OPCML: variants seen among roughly 807,000 people sequenced by gnomAD.
OPCML encodes the protein opioid binding protein/cell adhesion molecule like.
OPCML carries 13 observed loss-of-function variants against 37.8 expected under a neutral mutation model. The ratio of observed to expected loss-of-function variants is 0.34; its 90% CI spans 0.22 to 0.55. The LOEUF (loss-of-function observed/expected upper bound fraction) is 0.55, where lower values mean the gene tolerates loss of function less well. OPCML is among the 20% of genes least tolerant of loss of function. The pLI is 0.91. For synonymous variants in OPCML, 176 were observed against 168.8 expected, an observed-to-expected ratio of 1.04 and a Z score of -0.33; for missense variants, 341 against 435.6, an observed-to-expected ratio of 0.78 and a Z score of 1.93.
At chr11:133,264,447 C>T (rs78662327) in intron 1 of OPCML, among the ~76,000 whole-genome samples, 1 of 152,288 alleles carries the variant, frequency 6.6e-6, no homozygotes, top group East Asian at 1.9e-4. Context: ...ACAAGTGAGG[C>T]TAACTTGAGA....
At chr11:133,141,782 C>CA (rs1017697266) in intron 1 of OPCML, among the ~76,000 whole-genome samples, 1 of 152,200 alleles carries the variant, frequency 6.6e-6, no homozygotes, top group Non-Finnish European at 1.5e-5. Flanking sequence ...ATTTCCTTAA[C>CA]AATACTATTT....
At chr11:132,920,633 C>A (rs575419201) in intron 2 of OPCML, among the ~76,000 whole-genome samples, 4 of 152,248 alleles carry the variant, frequency 2.6e-5, no homozygotes, top group Admixed American at 2.0e-4. Context: ...GCTCTCCAGG[C>A]GCTTTACGAG....
intron 2 of OPCML, among the ~76,000 whole-genome samples, chr11:132,658,804 C>A (rs1939519): frequency 0.48 from 73,327 of 151,724 alleles, 17,845 homozygotes; most frequent in Middle Eastern, 0.58. Context: ...CAATGCCCAG[C>A]ACCCCATGGT....
intron 2 of OPCML, among the ~76,000 whole-genome samples, chr11:132,743,307 C>T (rs1186746940): frequency 6.6e-6 from 1 of 152,110 alleles, no homozygotes; most frequent in Non-Finnish European, 1.5e-5. Context: ...CTGCACACCG[C>T]ATACCAGCTC....
intron 1 of OPCML, among the ~76,000 whole-genome samples, chr11:133,427,701 A>G (rs1016235501): frequency 1.9e-4 from 28 of 150,742 alleles, no homozygotes; most frequent in South Asian, 1.7e-3. Flanking sequence ...AATTTATTGG[A>G]AAAAAAAACT....
chr11:132,434,948 A>G (rs1309871786), intron 7 of OPCML, among the ~76,000 whole-genome samples: 16 of 152,230 alleles, frequency 1.1e-4, no homozygotes, highest in Admixed American at 9.2e-4. Flanking sequence ...CCCCTGAAAC[A>G]CATAAAGCTA....
chr11:133,401,262 C>T (rs1014889612), intron 1 of OPCML, among the ~76,000 whole-genome samples: 1 of 152,050 alleles, frequency 6.6e-6, no homozygotes, highest in African/African-American at 2.4e-5. Flanking sequence ...AATCAAATAT[C>T]CAATTATTCA....
At chr11:132,955,903 G>A (rs574497224) in intron 1 of OPCML, among the ~76,000 whole-genome samples, 3 of 152,174 alleles carry the variant, frequency 2.0e-5, no homozygotes, top group East Asian at 3.9e-4. Flanking sequence ...CAAAGAAAAT[G>A]CTGAACCTTT....
rs11403478 is a variant in OPCML at position 132,746,096 on chromosome 11, G to GTT, written c.147-88779_147-88778dup. 2.5e-4 allele frequency among the ~76,000 whole-genome samples: 35 copies of GTT among 141,836 alleles called. 1 individual carries two copies. The highest frequency in any genetic ancestry group is 2.0e-4 in the Non-Finnish European group (13 of 64,652). The allele number at this position is 141,836 out of a possible 152,430, so 93.0% of individuals were successfully genotyped here. A position where few individuals can be genotyped will look rare whatever the true frequency, so the allele number is the denominator to read the frequency against. On this transcript the variant is annotated intron_variant, in intron 2 of 7. Coordinates refer to ENST00000524381, the MANE Select transcript of OPCML (RefSeq NM_001012393.5). Reference sequence around the variant, plus strand: ...TCCCCAAGCTCTTCACAAAGTTGTTGTTTTTTTTTTTTTTAACTAACAGAA... The same window carrying GTT: ...TCCCCAAGCTCTTCACAAAGTTGTTGTTTTTTTTTTTTTTTTAACTAACAGAA...
chr11:133,302,824 T>A (rs1033809955), intron 1 of OPCML, among the ~76,000 whole-genome samples: 1 of 152,314 alleles, frequency 6.6e-6, no homozygotes, highest in Non-Finnish European at 1.5e-5. Flanking sequence ...TTAGAAGAGA[T>A]TCTCACAATT....
intron 1 of OPCML, among the ~76,000 whole-genome samples, chr11:133,231,408 A>G (rs1237854471): frequency 1.3e-5 from 2 of 152,124 alleles, no homozygotes; most frequent in Admixed American, 1.3e-4. Flanking sequence ...AGGGGGTGAG[A>G]GTTGGCAGCA....
chr11:132,455,000 G>T (rs1354791207), intron 4 of OPCML, among the ~76,000 whole-genome samples: 1 of 152,154 alleles, frequency 6.6e-6, no homozygotes, highest in Non-Finnish European at 1.5e-5. Flanking sequence ...TTCATGAACA[G>T]AGTATAAGAC....
At chr11:133,276,734 A>G (rs953237060) in intron 1 of OPCML, among the ~76,000 whole-genome samples, 1 of 151,966 alleles carries the variant, frequency 6.6e-6, no homozygotes, top group Non-Finnish European at 1.5e-5. Context: ...CTTGAAATGC[A>G]CTTCTCCCAT....
chr11:132,792,539 A>G (rs970712540), intron 2 of OPCML, among the ~76,000 whole-genome samples: 2 of 152,054 alleles, frequency 1.3e-5, no homozygotes, highest in African/African-American at 4.8e-5. Context: ...GGCCATTCCT[A>G]TAAGTTTTTC....
At chr11:132,559,506 G>T (rs181525096) in intron 3 of OPCML, among the ~76,000 whole-genome samples, 1 of 152,178 alleles carries the variant, frequency 6.6e-6, no homozygotes, top group Non-Finnish European at 1.5e-5. Flanking sequence ...GACGCCACCA[G>T]CTTGCCGCTG....
chr11:133,411,545 C>T (rs1345117923), intron 1 of OPCML, among the ~76,000 whole-genome samples: 3 of 152,272 alleles, frequency 2.0e-5, no homozygotes, highest in African/African-American at 7.2e-5. Context: ...GTGGCCCTCA[C>T]ACAGTTCCTC....
At chr11:133,154,505 G>A (rs1379511179) in intron 1 of OPCML, among the ~76,000 whole-genome samples, 3 of 151,772 alleles carry the variant, frequency 2.0e-5, no homozygotes, top group Non-Finnish European at 4.4e-5. Flanking sequence ...AAGTTTCATT[G>A]GGGAAAAGGT....
At chr11:132,735,357 G>A (rs2136021642) in intron 2 of OPCML, among the ~76,000 whole-genome samples, 1 of 152,250 alleles carries the variant, frequency 6.6e-6, no homozygotes, top group Non-Finnish European at 1.5e-5. Flanking sequence ...TTAAAAGTTT[G>A]TCTAAGGGCA....
intron 4 of OPCML, among the ~76,000 whole-genome samples, chr11:132,463,127 C>T (rs2096108362): frequency 6.6e-6 from 1 of 152,214 alleles, no homozygotes; most frequent in Non-Finnish European, 1.5e-5. Context: ...CTTCTCCCAA[C>T]TCCTCTGTAA....
Sources: gnomAD v4.1 joint callset for allele counts (sites outside exome capture counted in the v4.1 genomes callset) on GRCh38, gnomAD v4.1.1 for gene constraint, MANE v1.5 for transcripts, NCBI Gene and HGNC (gene_info 2026-07-23, HGNC 2026-07-21) for gene names.